The following PREX2 variants were observed in gnomAD, a reference collection of about 807,000 sequenced individuals.
PREX2 encodes phosphatidylinositol 3,4,5-trisphosphate-dependent Rac exchanger 2 protein.
In PREX2, 107 loss-of-function variants were observed where a neutral mutation model predicts 203.2. That is an observed-to-expected ratio of 0.53 (90% CI 0.45 to 0.62). The LOEUF (loss-of-function observed/expected upper bound fraction) is 0.62. Ranked by LOEUF, PREX2 falls within the 20% of genes least tolerant of loss-of-function variation. The pLI is 0.00. For missense variants in PREX2, 1,777 were observed against 1,955.9 expected, an observed-to-expected ratio of 0.91 and a Z score of 1.72; for synonymous variants, 672 against 663.6, an observed-to-expected ratio of 1.01 and a Z score of -0.19.
chr8:68,076,770 G>C (rs1028063430), intron 14 of PREX2, among the ~76,000 whole-genome samples: 18 of 150,682 alleles, frequency 1.2e-4, no homozygotes, highest in Non-Finnish European at 2.2e-4. Flanking sequence ...CATAAAATAG[G>C]TGTTTTCTAA....
chr8:68,225,335 T>C (rs1012248230), intron 39 of PREX2, among the ~76,000 whole-genome samples: 2 of 152,156 alleles, frequency 1.3e-5, no homozygotes, highest in Non-Finnish European at 2.9e-5. Flanking sequence ...AGGACTCCCA[T>C]TGACTTTAAA....
rs200070207 is a variant in PREX2 at position 68,053,260 on chromosome 8, T to A, written c.1093+14T>A. ...AACGGCGGAAAGGTGGGTGTATGAATTGGGCGCTGTTACACTTTGTGAAGA... is the reference window on the plus strand; with the variant it reads ...AACGGCGGAAAGGTGGGTGTATGAAATGGGCGCTGTTACACTTTGTGAAGA... On this transcript the variant is annotated intron_variant, in intron 9 of 39. Transcript: ENST00000288368. 1.2e-6 allele frequency: 2 copies of A among 1,612,672 alleles called. No individual in the cohort carries two copies. The highest frequency in any genetic ancestry group is 1.7e-6 in the Non-Finnish European group (2 of 1,179,142).
chr8:67,976,111 C>G (rs1437188347), intron 1 of PREX2, among the ~76,000 whole-genome samples: 2 of 152,002 alleles, frequency 1.3e-5, no homozygotes, highest in East Asian at 3.9e-4. Flanking sequence ...CAACTAGTCC[C>G]CAAAGTTGTC....
At chr8:68,150,786 T>G (rs990084070) in intron 34 of PREX2, among the ~76,000 whole-genome samples, 3 of 152,200 alleles carry the variant, frequency 2.0e-5, no homozygotes, top group Non-Finnish European at 2.9e-5. Context: ...CCCTAGCAAG[T>G]TACCACAAGC....
At chr8:67,974,393 G>T (rs142683781) in intron 1 of PREX2, among the ~76,000 whole-genome samples, 2 of 142,110 alleles carry the variant, frequency 1.4e-5, no homozygotes, top group African/African-American at 5.1e-5. Flanking sequence ...TCATAAACTT[G>T]ATTTTAAAAG....
chr8:67,966,932 A>G (rs1369685353), intron 1 of PREX2, among the ~76,000 whole-genome samples: 4 of 152,210 alleles, frequency 2.6e-5, no homozygotes, highest in South Asian at 2.1e-4. Flanking sequence ...ACTCTAACCT[A>G]GGAGCTACAA....
chr8:68,109,265 A>G (rs942767621), intron 24 of PREX2, 151 bp from the exon 25 acceptor site: 5 of 617,314 alleles, frequency 8.1e-6, no homozygotes, highest in Admixed American at 3.0e-5. Context: ...TAGTCATTGC[A>G]TAATGCATAT....
At chr8:68,009,793 T>C (rs1199635472) in intron 1 of PREX2, among the ~76,000 whole-genome samples, 1 of 152,218 alleles carries the variant, frequency 6.6e-6, no homozygotes, top group African/African-American at 2.4e-5. Flanking sequence ...TGAATTGTTT[T>C]TGTTTAAGTG....
intron 8 of PREX2, among the ~76,000 whole-genome samples, chr8:68,047,474 T>TATATATATATATATATATATATACACAC (rs1808389532): frequency 2.4e-4 from 1 of 4,100 alleles, no homozygotes; most frequent in African/African-American, 1.3e-3. Flanking sequence ...TGAATTTATA[T>TATATATATATATATATATATATACACAC]ATATATATAT....
At chr8:67,973,849 A>G (rs1176216076) in intron 1 of PREX2, among the ~76,000 whole-genome samples, 2 of 152,208 alleles carry the variant, frequency 1.3e-5, no homozygotes, top group Non-Finnish European at 2.9e-5. Context: ...CATGGATACC[A>G]AGAGTTAAAT....
At chr8:68,158,833 T>C (rs1173904321) in intron 35 of PREX2, among the ~76,000 whole-genome samples, 2 of 152,184 alleles carry the variant, frequency 1.3e-5, no homozygotes, top group South Asian at 2.1e-4. Context: ...CTTAACAGCA[T>C]TGATGATCAA....
chr8:68,029,659 A>T (rs370691785), intron 5 of PREX2, among the ~76,000 whole-genome samples: 6 of 152,198 alleles, frequency 3.9e-5, no homozygotes, highest in African/African-American at 1.4e-4. Context: ...TAGTTACGTG[A>T]TGATGGCAAC....
intron 33 of PREX2, among the ~76,000 whole-genome samples, chr8:68,144,256 A>G (rs570694245): frequency 6.6e-6 from 1 of 152,258 alleles, no homozygotes; most frequent in African/African-American, 2.4e-5. Context: ...TTGGTGTTTC[A>G]CTGACATTGT....
At chr8:68,207,506 T>A (rs1812653246) in intron 37 of PREX2, among the ~76,000 whole-genome samples, 1 of 152,090 alleles carries the variant, frequency 6.6e-6, no homozygotes, top group African/African-American at 2.4e-5. Flanking sequence ...GCTTACTGAG[T>A]CCTAGGAAGT....
intron 1 of PREX2, among the ~76,000 whole-genome samples, chr8:67,978,782 G>A (rs57850751): frequency 0.023 from 3,490 of 152,196 alleles, 127 homozygotes; most frequent in African/African-American, 0.077. Flanking sequence ...CCACTCTAGA[G>A]TATAATGGCT....
At chr8:68,014,045 T>C (rs948758374) in intron 1 of PREX2, among the ~76,000 whole-genome samples, 1 of 152,190 alleles carries the variant, frequency 6.6e-6, no homozygotes, top group Non-Finnish European at 1.5e-5. Flanking sequence ...TCATTTTGTA[T>C]GTTGAAATTA....
chr8:68,187,048 G>C (rs1313711546), intron 35 of PREX2, among the ~76,000 whole-genome samples: 1 of 150,236 alleles, frequency 6.7e-6, no homozygotes, highest in African/African-American at 2.5e-5. Context: ...TTTTTTTAAG[G>C]AACATCTTTT....
At chr8:68,151,123 T>G (rs983327247) in intron 34 of PREX2, among the ~76,000 whole-genome samples, 1 of 152,078 alleles carries the variant, frequency 6.6e-6, no homozygotes, top group African/African-American at 2.4e-5. Context: ...AAAACCCTAT[T>G]TCAAAATAAG....
chr8:68,068,985 C>T (rs377448029), intron 11 of PREX2, 48 bp from the exon 12 acceptor site: 5 of 712,824 alleles, frequency 7.0e-6, no homozygotes, highest in South Asian at 2.5e-5. Flanking sequence ...GTTTATCTGC[C>T]CCCTTTTAGA....
Sources: gnomAD v4.1 joint callset for allele counts (sites outside exome capture counted in the v4.1 genomes callset) on GRCh38, gnomAD v4.1.1 for gene constraint, MANE v1.5 for transcripts, NCBI Gene and HGNC (gene_info 2026-07-23, HGNC 2026-07-21) for gene names.